SPATA2: variants seen among roughly 807,000 people sequenced by gnomAD.
SPATA2 encodes the protein spermatogenesis associated 2.
In SPATA2, 8 loss-of-function variants were observed where a neutral mutation model predicts 35.4. The observed-to-expected ratio is 0.23, with a 90% CI of 0.13 to 0.41. The LOEUF (loss-of-function observed/expected upper bound fraction) is 0.41. Among genes scored for constraint, SPATA2 ranks in the 10% least tolerant of loss-of-function variants. The probability of loss-of-function intolerance (pLI) is 1.00; values close to 1 mark genes in which losing one functional copy is unlikely to be tolerated. For synonymous variants in SPATA2, 293 were observed against 300.9 expected (o/e 0.97, Z 0.27); for missense variants, 650 against 698.7 (o/e 0.93, Z 0.79).
At chr20:49,912,266 C>T (rs1360766468) in intron 1 of SPATA2, among the ~76,000 whole-genome samples, 2 of 152,120 alleles carry the variant, frequency 1.3e-5, no homozygotes, top group Admixed American at 6.6e-5. Flanking sequence ...CTAGCCTGGC[C>T]AACATAGCGA....
Position 49,906,584 on chromosome 20 carries a change from T to G in SPATA2, c.598A>C (p.Ser200Arg). ...ELDIVSERKSSAEDVRGCSDA... is the reference protein window; with the variant it reads ...ELDIVSERKSRAEDVRGCSDA... The stretch of plus-strand genomic sequence containing the variant: ...GAGCAGCCGCGCACATCCTCTGCAC[T>G]GCTCTTGCGCTCGCTCACAATGTCC... The change falls in exon 3 of 3, where the codon AGT (serine) becomes CGT (arginine). Residue 200 changes from serine (S) to arginine (R), a missense_variant. Ser to Arg is a moderately radical substitution (Grantham distance 110). Transcript: ENST00000289431. The surrounding 1 kb of genome is among the most constrained non-coding windows in gnomAD (Gnocchi z 8.2). The G allele has an allele frequency of 6.2e-7, 1 of 1,614,242 alleles. No individual in the cohort carries two copies. Among genetic ancestry groups the G allele is most frequent in the Non-Finnish European group, 8.5e-7 (1 of 1,180,042 alleles).
intron 1 of SPATA2, among the ~76,000 whole-genome samples, chr20:49,910,432 T>TCTCTGAGTGGGGCAAATAC (rs2090176538): frequency 6.6e-6 from 1 of 152,158 alleles, no homozygotes; most frequent in Non-Finnish European, 1.5e-5. Context: ...GGACAGGCCT[T>TCTCTGAGTGGGGCAAATAC]CTCTGAGTGG....
chr20:49,908,037 C>T (rs1033319652), intron 2 of SPATA2, 118 bp downstream of exon 2: 28 of 1,064,076 alleles, frequency 2.6e-5, no homozygotes, highest in African/African-American at 1.3e-4. Context: ...GTTCGGAGCC[C>T]GGAAGGATCT....
rs1394414836 is a variant in SPATA2 at position 49,903,906 on chromosome 20, T to TAC, written c.*1712_*1713insGT. The TAC allele has an allele frequency of 7.4e-5, 1 of 13,492 alleles. No individual in the cohort carries two copies. The highest frequency in any genetic ancestry group is 2.3e-4 in the African/African-American group (1 of 4,272). 0.8% of individuals were successfully genotyped at this position (13,492 alleles called of 1,614,324 possible). On this transcript the variant is annotated 3_prime_UTR_variant, in exon 3 of 3. Coordinates refer to ENST00000289431, the MANE Select transcript of SPATA2 (RefSeq NM_006038.4). ...CTACATGTGATCTACCAGATAGATA[T>TAC]ATATATATATATATATATATATATA...
Position 49,905,682 on chromosome 20 carries a change from C to T in SPATA2, c.1500G>A (p.Lys500=). 1.2e-6 allele frequency: 2 copies of T among 1,614,244 alleles called. No homozygotes were observed. The highest frequency in any genetic ancestry group is 1.7e-6 in the Non-Finnish European group (2 of 1,180,052). ...AGTTCAGCTGGTTGTTGGGCATGAA[C>T]TTGTGCAGCTCACTCTTTTTGTAGC... ...DPCYKKSELH[K]FMPNNQLNYK... Residue 500 remains lysine, a synonymous_variant, in exon 3 of 3, where the codon AAG becomes AAA. Coordinates refer to ENST00000289431, the MANE Select transcript of SPATA2 (RefSeq NM_006038.4).
At chr20:49,913,284 A>C (rs904140141) in intron 1 of SPATA2, among the ~76,000 whole-genome samples, 1 of 152,212 alleles carries the variant, frequency 6.6e-6, no homozygotes, top group South Asian at 2.1e-4. Flanking sequence ...AAAGGGTCAG[A>C]GCTGGAATCT....
rs75787234 is a variant in SPATA2, at chr20:49,914,936, C to T, written c.-103+444G>A. Reference sequence around the variant, plus strand: ...CCTGCATGATCTCATTCCATCTCCACTCCAGCCCTAGCAACCAGGTTCAAT... The same window carrying T: ...CCTGCATGATCTCATTCCATCTCCATTCCAGCCCTAGCAACCAGGTTCAAT... On this transcript the variant is annotated intron_variant, in intron 1 of 2. Transcript: ENST00000289431. 6.2e-3 allele frequency among the ~76,000 whole-genome samples: 943 copies of T among 152,348 alleles called. 11 individuals are homozygous for T. The highest frequency in any genetic ancestry group is 0.021 in the African/African-American group (883 of 41,576).
chr20:49,906,994 G>GGT lies in SPATA2; in HGVS notation c.337-150_337-149insAC. 2 of 810,706 alleles carry GGT rather than the reference G, an allele frequency of 2.5e-6. No individual in the cohort carries two copies. The highest frequency in any genetic ancestry group is 3.8e-6 in the Non-Finnish European group (2 of 520,906). The allele number at this position is 810,706 out of a possible 1,614,324, so 50.2% of individuals were successfully genotyped here. On this transcript the variant is annotated intron_variant, in intron 2 of 2. Coordinates refer to ENST00000289431, the MANE Select transcript of SPATA2 (RefSeq NM_006038.4). The surrounding 1 kb of genome is among the most constrained non-coding windows in gnomAD (Gnocchi z 8.2). ...AGGATCTCGACAGCCTCACCCTGCGGGAGGCAGAAGACGCAGGAGCTGGGG... is the reference window on the plus strand; with the variant it reads ...AGGATCTCGACAGCCTCACCCTGCGGGTGAGGCAGAAGACGCAGGAGCTGGGG...
At chr20:49,911,648 C>G (rs1321054483) in intron 1 of SPATA2, among the ~76,000 whole-genome samples, 2 of 147,056 alleles carry the variant, frequency 1.4e-5, no homozygotes, top group African/African-American at 5.0e-5. Flanking sequence ...GCCTGGGCAA[C>G]AGAGCGAGAC....
rs374830291 is a variant in SPATA2, at chr20:49,903,902, G to GATATATATATAT, written c.*1705_*1716dup. ...ACATCTACATGTGATCTACCAGATA[G>GATATATATATAT]ATATATATATATATATATATATATA... On this transcript the variant is annotated 3_prime_UTR_variant, in exon 3 of 3. Coordinates refer to ENST00000289431, the MANE Select transcript of SPATA2 (RefSeq NM_006038.4). 5 of 96,934 alleles carry GATATATATATAT rather than the reference G, an allele frequency of 5.2e-5. No homozygotes were observed. The highest frequency in any genetic ancestry group is 2.6e-4 in the East Asian group (1 of 3,854). 6.0% of individuals were successfully genotyped at this position (96,934 alleles called of 1,614,324 possible). A position where few individuals can be genotyped will look rare whatever the true frequency, so the allele number is the denominator to read the frequency against.
At chr20:49,908,064 T>C (rs2090158820) in intron 2 of SPATA2, 91 bp downstream of exon 2, 2 of 1,256,524 alleles carry the variant, frequency 1.6e-6, no homozygotes, top group African/African-American at 1.5e-5. Context: ...ACAGGATGGA[T>C]GGGATCAGAC....
intron 1 of SPATA2, among the ~76,000 whole-genome samples, chr20:49,912,941 A>C (rs77449362): frequency 0.085 from 5,370 of 63,394 alleles, 140 homozygotes; most frequent in East Asian, 0.41. Flanking sequence ...CGTCTCTACA[A>C]AAAAAAAAAA....
rs1216647483 is a variant in SPATA2, at chr20:49,908,530, G to C, written c.-40C>G. 6.6e-7 allele frequency: 1 copy of C among 1,507,724 alleles called. No individual in the cohort carries two copies. The highest frequency in any genetic ancestry group is 9.0e-7 in the Non-Finnish European group (1 of 1,107,434). The allele number at this position is 1,507,724 out of a possible 1,614,324, so 93.4% of individuals were successfully genotyped here. ...CTACCTTATCTCCTCCATGGCTTCT[G>C]GATTAGAGGCAGGGACATCACTAAA... On this transcript the variant is annotated 5_prime_UTR_variant, in exon 2 of 3. Transcript: ENST00000289431.
intron 1 of SPATA2, among the ~76,000 whole-genome samples, chr20:49,913,057 T>C (rs2090190318): frequency 6.6e-6 from 1 of 152,030 alleles, no homozygotes. Flanking sequence ...TGCAGTGAGC[T>C]ATGATGGCAC....
Position 49,908,313 on chromosome 20 carries a change from G to A in SPATA2, c.178C>T (p.Arg60Ter). 2 of 1,614,226 alleles carry A rather than the reference G, an allele frequency of 1.2e-6. No homozygotes were observed. Among genetic ancestry groups the A allele is most frequent in the Non-Finnish European group, 1.7e-6 (2 of 1,180,030 alleles). The change falls in exon 2 of 3, where the codon CGA (arginine) becomes TGA (stop). Residue 60 changes from arginine (R) to a stop codon, truncating the protein, a stop_gained. Coordinates refer to ENST00000289431, the MANE Select transcript of SPATA2 (RefSeq NM_006038.4). LOFTEE classifies it high-confidence loss of function. ...LSLHKVDPFY[R>*]FRLIQFYEVV... ...TCATAGAACTGGATCAGCCGGAATC[G>A]ATAAAAGGGATCCACCTTGTGCAGG...
In SPATA2 at chr20:49,906,243, T is replaced by G. The variant is rs757743980; in HGVS notation, c.939A>C (p.Pro313=). 3.8e-6 allele frequency: 6 copies of G among 1,567,322 alleles called. No individual in the cohort carries two copies. In the African/African-American group the frequency reaches 6.8e-5, roughly 18 times the overall value. ...SSPHGSPDVL[P]PASPSNGPAL... ...CCGGGCCGTTGCTGGGGGAGGCGGG[T>G]GGAAGCACATCCGGGCTGCCGTGGG... is the stretch of plus-strand genomic sequence containing the variant. Residue 313 remains proline (P), a synonymous_variant, in exon 3 of 3, where the codon CCA becomes CCC. Coordinates refer to ENST00000289431, the MANE Select transcript of SPATA2 (RefSeq NM_006038.4). The surrounding 1 kb of genome is among the most constrained non-coding windows in gnomAD (Gnocchi z 8.2).
chr20:49,905,923 T>C lies in SPATA2; in HGVS notation c.1259A>G (p.His420Arg). Reference protein sequence around the residue: ...PSAFPSKASTHDSLAHGASLR... With the variant: ...PSAFPSKASTRDSLAHGASLR... ...AGATGCCCCGTGGGCCAGGCTGTCA[T>C]GAGTCGAGGCCTTGCTGGGGAAGGC... The change falls in exon 3 of 3, where the codon CAT becomes CGT. Residue 420 changes from histidine (H) to arginine (R), a missense_variant. Transcript: ENST00000289431. 1.9e-6 allele frequency: 3 copies of C among 1,611,784 alleles called. No individual in the cohort carries two copies. Among genetic ancestry groups the C allele is most frequent in the Non-Finnish European group, 2.5e-6 (3 of 1,179,980 alleles).
At position 49,906,283 on chromosome 20, in the gene SPATA2, G is replaced by GTCAGCAGCGAAGGGGATGGGCGGATGA; in HGVS notation, c.872_898dup (p.Ile291_Leu299dup). ...GCTGCCGTGGGGGGAGCTGGCCATG[G>GTCAGCAGCGAAGGGGATGGGCGGATGA]TCAGCAGCGAAGGGGATGGGCGGAT... On this transcript the variant is annotated inframe_insertion, in exon 3 of 3. Coordinates refer to ENST00000289431, the MANE Select transcript of SPATA2 (RefSeq NM_006038.4). This position sits in a 1 kb window ranked among gnomAD's most constrained non-coding sequence, Gnocchi z 8.2. The GTCAGCAGCGAAGGGGATGGGCGGATGA allele has an allele frequency of 6.3e-7, 1 of 1,576,754 alleles. No individual in the cohort carries two copies. The highest frequency in any genetic ancestry group is 8.6e-7 in the Non-Finnish European group (1 of 1,160,082).
chr20:49,915,359 C>T (rs2090203976), intron 1 of SPATA2, 21 bp downstream of exon 1: 1 of 152,322 alleles, frequency 6.6e-6, no homozygotes, highest in Non-Finnish European at 1.5e-5. Flanking sequence ...CAGTTTCCGC[C>T]CGCGGCCGCC....
Sources: gnomAD v4.1 joint callset for allele counts (sites outside exome capture counted in the v4.1 genomes callset) on GRCh38, gnomAD v4.1.1 for gene constraint, Gnocchi (gnomAD v3.1) non-coding constraint, MANE v1.5 for transcripts, NCBI Gene and HGNC (gene_info 2026-07-23, HGNC 2026-07-21) for gene names.